PDZRN4: variants seen among roughly 807,000 people sequenced by gnomAD.
PDZRN4 encodes PDZ domain containing ring finger 4.
In PDZRN4, 70 loss-of-function variants were observed where a neutral mutation model predicts 99.0. The ratio of observed to expected loss-of-function variants is 0.71; its 90% CI spans 0.58 to 0.86. The LOEUF is 0.86. PDZRN4 is among the 40% of genes least tolerant of loss of function. The pLI is 0.00. For synonymous variants in PDZRN4, 551 were observed against 501.6 expected, an observed-to-expected ratio of 1.10 and a Z score of -1.32; for missense variants, 1,474 against 1,331.2, an observed-to-expected ratio of 1.11 and a Z score of -1.67.
chr12:41,395,814 C>A (rs1204700886), intron 3 of PDZRN4, among the ~76,000 whole-genome samples: 1 of 152,078 alleles, frequency 6.6e-6, no homozygotes, highest in African/African-American at 2.4e-5. Context: ...TTTTGTTTAG[C>A]TGAATAGTAT....
At chr12:41,251,281 C>CATG (rs1352806052) in intron 3 of PDZRN4, among the ~76,000 whole-genome samples, 2 of 152,066 alleles carry the variant, frequency 1.3e-5, no homozygotes, top group African/African-American at 4.8e-5. Flanking sequence ...TCAATTAGGG[C>CATG]ATGAAAAAGA....
At chr12:41,432,957 CT>C (rs2120443641) in intron 3 of PDZRN4, among the ~76,000 whole-genome samples, 1 of 152,282 alleles carries the variant, frequency 6.6e-6, no homozygotes, top group African/African-American at 2.4e-5. Context: ...GGATTTAAAA[CT>C]TTCAGTGCCA....
intron 3 of PDZRN4, among the ~76,000 whole-genome samples, chr12:41,288,170 C>T (rs1267985272): frequency 3.3e-5 from 5 of 152,124 alleles, no homozygotes; most frequent in Non-Finnish European, 4.4e-5. Flanking sequence ...AGCTCTTCAG[C>T]GGGCATTATG....
At chr12:41,511,456 T>C (rs1938303194) in intron 5 of PDZRN4, among the ~76,000 whole-genome samples, 1 of 152,048 alleles carries the variant, frequency 6.6e-6, no homozygotes, top group Non-Finnish European at 1.5e-5. Flanking sequence ...TCTCAACTAA[T>C]CACAGCATCA....
In PDZRN4 at chr12:41,572,384, A is replaced by G. The variant is rs373040528; in HGVS notation, c.1605A>G (p.Glu535=). Residue 535 remains glutamate, a synonymous_variant, in exon 10 of 10, where the codon GAA becomes GAG. Transcript: ENST00000402685. ...EVEQPKKQEE[E]EGTTDTATSS... ...CTTAGCCAAAAAAGCAAGAAGAAGA[A>G]GAAGGCACAACAGACACTGCAACAT... 2 of 1,602,648 alleles carry G rather than the reference A, an allele frequency of 1.2e-6. No homozygotes were observed. The highest frequency in any genetic ancestry group is 2.7e-5 in the African/African-American group (2 of 74,588).
intron 3 of PDZRN4, among the ~76,000 whole-genome samples, chr12:41,285,682 TG>T (rs757951180): frequency 3.3e-5 from 5 of 152,026 alleles, no homozygotes; most frequent in Non-Finnish European, 5.9e-5. Context: ...CCATAAAAAA[TG>T]AGTTCATGTC....
chr12:41,436,931 T>A (rs1193648446), intron 3 of PDZRN4, among the ~76,000 whole-genome samples: 2 of 152,212 alleles, frequency 1.3e-5, no homozygotes, highest in Non-Finnish European at 2.9e-5. Flanking sequence ...AAAATTAGCA[T>A]AAATACTATA....
chr12:41,447,185 C>A (rs1413494499), intron 3 of PDZRN4, among the ~76,000 whole-genome samples: 1 of 152,034 alleles, frequency 6.6e-6, no homozygotes, highest in Non-Finnish European at 1.5e-5. Context: ...GTTAAAAGAG[C>A]TCAGCCACGC....
At chr12:41,476,352 G>C (rs982363284) in intron 3 of PDZRN4, among the ~76,000 whole-genome samples, 1 of 152,188 alleles carries the variant, frequency 6.6e-6, no homozygotes, top group African/African-American at 2.4e-5. Flanking sequence ...ATCACAATTA[G>C]AGATTAAAAA....
intron 3 of PDZRN4, among the ~76,000 whole-genome samples, chr12:41,257,655 A>G (rs943165793): frequency 6.6e-6 from 1 of 152,212 alleles, no homozygotes; most frequent in Non-Finnish European, 1.5e-5. Flanking sequence ...GAAAGAGTAA[A>G]ACAGGGAAGT....
chr12:41,403,550 T>G (rs1302648535), intron 3 of PDZRN4, among the ~76,000 whole-genome samples: 1 of 152,152 alleles, frequency 6.6e-6, no homozygotes, highest in Non-Finnish European at 1.5e-5. Flanking sequence ...AATATTCTCT[T>G]TATATGTTAA....
chr12:41,305,355 T>A (rs973431208), intron 3 of PDZRN4, among the ~76,000 whole-genome samples: 2 of 152,174 alleles, frequency 1.3e-5, no homozygotes, highest in African/African-American at 4.8e-5. Context: ...ACTAAAACAC[T>A]TAGAACAGTG....
At chr12:41,502,566 T>C (rs1938129960) in intron 3 of PDZRN4, among the ~76,000 whole-genome samples, 1 of 152,136 alleles carries the variant, frequency 6.6e-6, no homozygotes. Flanking sequence ...GAAAATCAAC[T>C]CATCTGTATT....
chr12:41,259,297 GAC>G (rs1490696375), intron 3 of PDZRN4, among the ~76,000 whole-genome samples: 6 of 151,948 alleles, frequency 3.9e-5, no homozygotes, highest in Non-Finnish European at 8.8e-5. Flanking sequence ...GAGTCAGAGA[GAC>G]ACTCATAAAA....
chr12:41,358,225 A>G (rs11180848), intron 3 of PDZRN4, among the ~76,000 whole-genome samples: 56,672 of 151,674 alleles, frequency 0.37, 10,667 homozygotes, highest in Non-Finnish European at 0.39. Context: ...CAAAATTGTG[A>G]CCCTTTGCTT....
chr12:41,361,922 C>T (rs528093752), intron 3 of PDZRN4, among the ~76,000 whole-genome samples: 4 of 152,064 alleles, frequency 2.6e-5, no homozygotes, highest in African/African-American at 4.8e-5. Flanking sequence ...GGGGCTGACT[C>T]GCGTCGCACC....
At chr12:41,502,940 G>A (rs1021714239) in intron 3 of PDZRN4, among the ~76,000 whole-genome samples, 3 of 151,982 alleles carry the variant, frequency 2.0e-5, no homozygotes, top group African/African-American at 7.2e-5. Context: ...TCTCCTAGAG[G>A]GTTAACTGTA....
At position 41,280,288 on chromosome 12, in the gene PDZRN4, C is replaced by G. The variant is rs577658351; in HGVS notation, c.843+86100C>G. 1.5e-3 allele frequency among the ~76,000 whole-genome samples: 230 copies of G among 152,256 alleles called. 1 individual carries two copies. Among genetic ancestry groups the G allele is most frequent in the Non-Finnish European group, 2.7e-3 (184 of 68,010 alleles). ...GGTTTCTAGCACAAAATTGGGCAGC[C>G]ATTTGGGCAGACACTGAGCTAGCTG... is the stretch of plus-strand genomic sequence containing the variant. On this transcript the variant is annotated intron_variant, in intron 3 of 9. Coordinates refer to ENST00000402685, the MANE Select transcript of PDZRN4 (RefSeq NM_001164595.2).
intron 3 of PDZRN4, among the ~76,000 whole-genome samples, chr12:41,232,842 T>A (rs1277468093): frequency 6.6e-6 from 1 of 152,182 alleles, no homozygotes; most frequent in African/African-American, 2.4e-5. Flanking sequence ...TGAATTAATT[T>A]TCGTATAAAG....
Sources: gnomAD v4.1 joint callset for allele counts (sites outside exome capture counted in the v4.1 genomes callset) on GRCh38, gnomAD v4.1.1 for gene constraint, MANE v1.5 for transcripts, NCBI Gene and HGNC (gene_info 2026-07-23, HGNC 2026-07-21) for gene names.